The following SORCS2 variants were observed in gnomAD, a reference collection of about 807,000 sequenced individuals.
SORCS2 encodes sortilin related VPS10 domain containing receptor 2, also known as VPS10 domain-containing receptor SorCS2.
In SORCS2, 100 loss-of-function variants were observed where a neutral mutation model predicts 141.6. That is an observed-to-expected ratio of 0.71 (90% CI 0.60 to 0.83). SORCS2 has a LOEUF of 0.83. Among genes scored for constraint, SORCS2 ranks in the 40% least tolerant of loss-of-function variants. The pLI is 0.00. For missense variants in SORCS2, 1,646 were observed against 1,560.2 expected (o/e 1.05, Z -0.93); for synonymous variants, 789 against 676.9 (o/e 1.17, Z -2.57).
At chr4:7,560,887 A>G (rs1714486406) in intron 3 of SORCS2, among the ~76,000 whole-genome samples, 1 of 152,158 alleles carries the variant, frequency 6.6e-6, no homozygotes, top group Non-Finnish European at 1.5e-5. Flanking sequence ...GTGGGTGCAA[A>G]TGTAGCCTTG....
intron 8 of SORCS2, 72 bp from the exon 9 acceptor site, chr4:7,675,978 C>T (rs1034580432): frequency 1.1e-5 from 16 of 1,510,226 alleles, no homozygotes; most frequent in Non-Finnish European, 1.4e-5. Context: ...ACGGCCTGTG[C>T]AGCCTGCTTC....
At chr4:7,208,625 C>T (rs1037129739) in intron 1 of SORCS2, among the ~76,000 whole-genome samples, 4 of 152,172 alleles carry the variant, frequency 2.6e-5, no homozygotes, top group Non-Finnish European at 5.9e-5. Flanking sequence ...CTGGTCCCAG[C>T]GGGATGCCAG....
At chr4:7,659,615 A>G (rs1461561670) in intron 5 of SORCS2, among the ~76,000 whole-genome samples, 1 of 152,254 alleles carries the variant, frequency 6.6e-6, no homozygotes, top group Non-Finnish European at 1.5e-5. Context: ...CGAGTACTGC[A>G]TAAATTCAAG....
intron 2 of SORCS2, among the ~76,000 whole-genome samples, chr4:7,436,558 A>C (rs1428961301): frequency 6.6e-6 from 1 of 152,196 alleles, no homozygotes; most frequent in Non-Finnish European, 1.5e-5. Context: ...ACATCCCTTG[A>C]GCCTGGCACA....
At chr4:7,213,883 AGCTGG>A (rs1728183103) in intron 1 of SORCS2, among the ~76,000 whole-genome samples, 1 of 152,160 alleles carries the variant, frequency 6.6e-6, no homozygotes, top group African/African-American at 2.4e-5. Flanking sequence ...TGTCTCCAGG[AGCTGG>A]GCTGGGCTGG....
intron 2 of SORCS2, among the ~76,000 whole-genome samples, chr4:7,443,766 G>A (rs1727825719): frequency 6.6e-6 from 1 of 152,226 alleles, no homozygotes; most frequent in South Asian, 2.1e-4. Context: ...AGTACAGAAT[G>A]CTGAACTGGC....
At chr4:7,256,231 G>A (rs555271742) in intron 1 of SORCS2, among the ~76,000 whole-genome samples, 15 of 152,284 alleles carry the variant, frequency 9.9e-5, no homozygotes, top group African/African-American at 2.9e-4. Flanking sequence ...GCACATGCCC[G>A]CTCAGAGGGG....
Position 7,319,516 on chromosome 4 carries a change from A to G in SORCS2, c.481-76772A>G, listed in dbSNP as rs535654471. Among the ~76,000 whole-genome samples the G allele has an allele frequency of 1.9e-3, 293 of 152,146 alleles. 1 individual carries two copies. The highest frequency in any genetic ancestry group is 6.9e-3 in the African/African-American group (285 of 41,490). On this transcript the variant is annotated intron_variant, in intron 1 of 26. Transcript: ENST00000507866. ...GACCAGGAGTTTGAGACCAGTCTGGACAACATAGTGAGATCCTATCTCTAC... is the reference window on the plus strand; with the variant it reads ...GACCAGGAGTTTGAGACCAGTCTGGGCAACATAGTGAGATCCTATCTCTAC...
chr4:7,445,063 G>A (rs1727901600), intron 2 of SORCS2, among the ~76,000 whole-genome samples: 1 of 152,010 alleles, frequency 6.6e-6, no homozygotes, highest in African/African-American at 2.4e-5. Context: ...TGCTGCGGGT[G>A]GCAAGAGGGA....
At chr4:7,534,328 G>T (rs1258548726) in intron 3 of SORCS2, among the ~76,000 whole-genome samples, 1 of 138,298 alleles carries the variant, frequency 7.2e-6, no homozygotes, top group East Asian at 2.0e-4. Context: ...GCTCTGCCAG[G>T]TCCCCCCCCA....
rs147662418 is a variant in SORCS2, at chr4:7,714,173, G to A, written c.1990-67G>A. 1,024 of 1,537,064 alleles carry A rather than the reference G, an allele frequency of 6.7e-4. 2 individuals are homozygous for A. Among genetic ancestry groups the A allele is most frequent in the African/African-American group, 2.3e-3 (170 of 73,210 alleles). ...ATCTTCAGGCTCTGGCAGCCTCAGC[G>A]GCACAAGGCCTTGTAGAGCAGTTGC... On this transcript the variant is annotated intron_variant, in intron 15 of 26. Coordinates refer to ENST00000507866, the MANE Select transcript of SORCS2 (RefSeq NM_020777.3).
chr4:7,604,961 T>A (rs568861219), intron 3 of SORCS2, among the ~76,000 whole-genome samples: 3 of 152,286 alleles, frequency 2.0e-5, no homozygotes, highest in Non-Finnish European at 4.4e-5. Flanking sequence ...AGTTTCAAGA[T>A]ATCCCGCTGA....
At chr4:7,714,881 G>A (rs1452802586) in intron 16 of SORCS2, among the ~76,000 whole-genome samples, 2 of 151,776 alleles carry the variant, frequency 1.3e-5, no homozygotes, top group African/African-American at 4.8e-5. Context: ...GCTGGGCCCT[G>A]CCAGCAGTGC....
At chr4:7,495,787 C>T (rs1731578683) in intron 2 of SORCS2, among the ~76,000 whole-genome samples, 1 of 152,236 alleles carries the variant, frequency 6.6e-6, no homozygotes, top group Admixed American at 6.5e-5. Context: ...CCCTCAGCCC[C>T]CTGATTGAGT....
intron 1 of SORCS2, among the ~76,000 whole-genome samples, chr4:7,389,395 C>G (rs74486928): frequency 0.13 from 19,763 of 151,984 alleles, 1,830 homozygotes; most frequent in East Asian, 0.49. Flanking sequence ...AGACTCAGGC[C>G]GGCCACTGCC....
At chr4:7,437,996 T>C (rs1727420472) in intron 2 of SORCS2, among the ~76,000 whole-genome samples, 1 of 152,190 alleles carries the variant, frequency 6.6e-6, no homozygotes, top group African/African-American at 2.4e-5. Flanking sequence ...TTGGTGCCTA[T>C]TTCCTAAGGA....
At chr4:7,497,029 C>T (rs1731673417) in intron 2 of SORCS2, among the ~76,000 whole-genome samples, 1 of 152,194 alleles carries the variant, frequency 6.6e-6, no homozygotes, top group African/African-American at 2.4e-5. Context: ...CTAATTGACT[C>T]CAAACAATAG....
intron 1 of SORCS2, among the ~76,000 whole-genome samples, chr4:7,226,483 C>A (rs1040594135): frequency 3.9e-5 from 6 of 152,040 alleles, no homozygotes; most frequent in Non-Finnish European, 4.4e-5. Context: ...ACGTCTGTGA[C>A]GGCCGGGTGA....
At chr4:7,717,915 C>A in intron 17 of SORCS2, 97 bp from the exon 18 acceptor site, 1 of 1,351,666 alleles carries the variant, frequency 7.4e-7, no homozygotes, top group Non-Finnish European at 9.8e-7. Context: ...AAGCCAAGTG[C>A]CACCTCTGGG....
Sources: allele counts gnomAD v4.1 joint callset (sites outside exome capture counted in the v4.1 genomes callset), GRCh38; gene constraint gnomAD v4.1.1; transcripts MANE v1.5; gene names NCBI Gene and HGNC (gene_info 2026-07-23, HGNC 2026-07-21).